SLC22A23: variants seen among roughly 807,000 people sequenced by gnomAD.
The protein encoded by SLC22A23 is ion transporter protein.
Under a neutral mutation model 61.0 loss-of-function variants are expected in SLC22A23, and 26 were observed. That is an observed-to-expected ratio of 0.43 (90% confidence interval 0.31 to 0.59). The LOEUF (loss-of-function observed/expected upper bound fraction) is 0.59. Among genes scored for constraint, SLC22A23 ranks in the 20% least tolerant of loss-of-function variants. The probability of loss-of-function intolerance (pLI) is 0.11; values close to 1 mark genes in which losing one functional copy is unlikely to be tolerated. For missense variants in SLC22A23, 796 were observed against 934.7 expected (o/e 0.85, Z 1.94); for synonymous variants, 430 against 413.9 (o/e 1.04, Z -0.47).
At chr6:3,416,026 T>C (rs1449565321) in intron 1 of SLC22A23, among the ~76,000 whole-genome samples, 171 bp from the exon 2 acceptor site, 2 of 152,248 alleles carry the variant, frequency 1.3e-5, no homozygotes, top group Admixed American at 6.5e-5. Context: ...CAATGAGACA[T>C]ATAATTTGCC....
intron 6 of SLC22A23, 62 bp from the exon 7 acceptor site, chr6:3,287,153 C>G (rs1760093789): frequency 9.3e-6 from 14 of 1,508,174 alleles, no homozygotes; most frequent in Admixed American, 1.8e-5. Context: ...TGCGCTGCCT[C>G]CTGGGAGTTC....
rs946768916 is a variant in SLC22A23, at chr6:3,297,725, G to C, written c.1210+366C>G. On this transcript the variant is annotated intron_variant, in intron 5 of 9. Transcript: ENST00000406686. This position sits in a 1 kb window ranked among gnomAD's most constrained non-coding sequence, Gnocchi z 4.3. ...TGAAGGTCATGCTCAGGAAAGCTGA[G>C]GTCACAGGGGCCATCTACACCCTGA... 6.6e-6 allele frequency among the ~76,000 whole-genome samples: 1 copy of C among 152,180 alleles called. No homozygotes were observed. The highest frequency in any genetic ancestry group is 1.5e-5 in the Non-Finnish European group (1 of 68,010).
At position 3,456,725 on chromosome 6, in the gene SLC22A23, A is replaced by C; in HGVS notation, c.-166T>G. ...GCTCCGGGTGCGTCAGGCCGCCCCC[A>C]TGTCACCCGCCGGACCCCGCGCCCC... On this transcript the variant is annotated 5_prime_UTR_variant, in exon 1 of 10. It removes an upstream start codon present in the reference 5' UTR. Transcript: ENST00000406686. This position sits in a 1 kb window ranked among gnomAD's most constrained non-coding sequence, Gnocchi z 7.1. 4 of 292,950 alleles carry C rather than the reference A, an allele frequency of 1.4e-5. No homozygotes were observed. The highest frequency in any genetic ancestry group is 2.0e-5 in the Non-Finnish European group (4 of 200,466). The allele number at this position is 292,950 out of a possible 1,614,324, so 18.1% of individuals were successfully genotyped here.
chr6:3,385,489 C>G (rs12214950), intron 3 of SLC22A23, among the ~76,000 whole-genome samples: 25,356 of 151,968 alleles, frequency 0.17, 2,403 homozygotes, highest in African/African-American at 0.25. Flanking sequence ...GCACTCTAGC[C>G]TGGGCGACAG....
In SLC22A23 at chr6:3,414,339, T is replaced by TA. The variant is rs947850589; in HGVS notation, c.758+1412dup. ...AACCTATGAACTCAAGTATTTGGTT[T>TA]AAAAAAATAAACCCTGTGTTGCCTC... is the stretch of plus-strand genomic sequence containing the variant. On this transcript the variant is annotated intron_variant, in intron 2 of 9. Transcript: ENST00000406686. The surrounding 1 kb of genome is among the most constrained non-coding windows in gnomAD (Gnocchi z 5.1). Among the ~76,000 whole-genome samples the TA allele has an allele frequency of 8.5e-5, 13 of 152,188 alleles. No homozygotes were observed. The highest frequency in any genetic ancestry group is 3.1e-4 in the African/African-American group (13 of 41,514).
At chr6:3,282,911 A>G (rs1289588042) in intron 9 of SLC22A23, among the ~76,000 whole-genome samples, 1 of 152,124 alleles carries the variant, frequency 6.6e-6, no homozygotes, top group Non-Finnish European at 1.5e-5. Context: ...GGTCAGCCTC[A>G]CTTTCCGAAC....
chr6:3,294,659 A>C (rs1760916865), intron 5 of SLC22A23, among the ~76,000 whole-genome samples: 1 of 152,126 alleles, frequency 6.6e-6, no homozygotes, highest in Non-Finnish European at 1.5e-5. Flanking sequence ...TAAACGCTCA[A>C]AACCTCAGGA....
intron 3 of SLC22A23, among the ~76,000 whole-genome samples, chr6:3,402,489 T>C (rs199770101): frequency 2.0e-3 from 297 of 145,608 alleles, no homozygotes; most frequent in African/African-American, 7.0e-3. Context: ...CTACCCAGAG[T>C]GCACTAGGCC....
intron 3 of SLC22A23, among the ~76,000 whole-genome samples, chr6:3,383,473 T>C (rs1767082257): frequency 6.6e-6 from 1 of 152,228 alleles, no homozygotes; most frequent in Non-Finnish European, 1.5e-5. Context: ...TTTTTATATC[T>C]ACTCCGTGGT....
In SLC22A23 at chr6:3,452,592, C is replaced by T. The variant is rs192346057; in HGVS notation, c.654+3314G>A. Among the ~76,000 whole-genome samples the T allele has an allele frequency of 9.3e-5, 9 of 97,098 alleles. No individual in the cohort carries two copies. The East Asian group carries it at 1.3e-3, about 14-fold the overall frequency. 63.7% of individuals were successfully genotyped at this position (97,098 alleles called of 152,430 possible). A position where few individuals can be genotyped will look rare whatever the true frequency, so the allele number is the denominator to read the frequency against. On this transcript the variant is annotated intron_variant, in intron 1 of 9. Transcript: ENST00000406686. ...CTCCAGCCTGGGCAACAGAGCCAGA[C>T]GCTGTCTAAAAAAAAAAAAAAAAAA...
intron 8 of SLC22A23, among the ~76,000 whole-genome samples, chr6:3,284,702 G>A (rs1759806506): frequency 6.6e-6 from 1 of 152,224 alleles, no homozygotes; most frequent in Non-Finnish European, 1.5e-5. Context: ...GGGGACAGCG[G>A]CTTCCCCTGG....
rs1758493184 is a variant in SLC22A23, at chr6:3,271,789, A to C, written c.*1266T>G. ...TCCACTTTCTGGGGTGAAACGAGGA[A>C]CACGAAGAGACCCATGGAGGTCGAG... On this transcript the variant is annotated 3_prime_UTR_variant, in exon 10 of 10. Coordinates refer to ENST00000406686, the MANE Select transcript of SLC22A23 (RefSeq NM_015482.2). 1 of 152,354 alleles carries C rather than the reference A, an allele frequency of 6.6e-6. No homozygotes were observed. The highest frequency in any genetic ancestry group is 6.5e-5 in the Admixed American group (1 of 15,282). The allele number at this position is 152,354 out of a possible 1,614,324, so 9.4% of individuals were successfully genotyped here.
intron 3 of SLC22A23, among the ~76,000 whole-genome samples, chr6:3,336,420 T>C (rs775153966): frequency 6.6e-6 from 1 of 152,230 alleles, no homozygotes. Context: ...CCCAGCTCTG[T>C]TCTATTTCAA....
intron 1 of SLC22A23, among the ~76,000 whole-genome samples, chr6:3,444,028 T>C (rs1771753929): frequency 6.6e-6 from 1 of 152,234 alleles, no homozygotes; most frequent in African/African-American, 2.4e-5. Flanking sequence ...TTTGTTAATG[T>C]AATTTAAATT....
intron 4 of SLC22A23, 130 bp downstream of exon 4, chr6:3,323,704 A>T: frequency 1.8e-6 from 2 of 1,103,832 alleles, no homozygotes; most frequent in Non-Finnish European, 2.5e-6. Context: ...AAGAGAGGAA[A>T]ACCTTCTCAG....
At position 3,414,883 on chromosome 6, in the gene SLC22A23, GACC is replaced by G. The variant is rs1208621581; in HGVS notation, c.758+866_758+868del. Among the ~76,000 whole-genome samples, 6 of 152,138 alleles carry G rather than the reference GACC, an allele frequency of 3.9e-5. No individual in the cohort carries two copies. The highest frequency in any genetic ancestry group is 2.0e-4 in the Admixed American group (3 of 15,276). ...GACACCTCACCGCTGCTGCCCCTGT[GACC>G]ACAGAATGCCTTAAATAAAAGCGCT... On this transcript the variant is annotated intron_variant, in intron 2 of 9. Coordinates refer to ENST00000406686, the MANE Select transcript of SLC22A23 (RefSeq NM_015482.2). This position sits in a 1 kb window ranked among gnomAD's most constrained non-coding sequence, Gnocchi z 5.1.
intron 3 of SLC22A23, among the ~76,000 whole-genome samples, chr6:3,379,263 C>T (rs981211463): frequency 3.3e-5 from 5 of 152,196 alleles, no homozygotes; most frequent in African/African-American, 9.7e-5. Flanking sequence ...AATAAACATG[C>T]TCTTTCCTCT....
At chr6:3,380,325 G>A (rs28414822) in intron 3 of SLC22A23, among the ~76,000 whole-genome samples, 1 of 152,192 alleles carries the variant, frequency 6.6e-6, no homozygotes, top group African/African-American at 2.4e-5. Context: ...AAGTAAGATA[G>A]TAGTATAAGG....
chr6:3,374,158 C>T (rs1766407783), intron 3 of SLC22A23, among the ~76,000 whole-genome samples: 1 of 152,228 alleles, frequency 6.6e-6, no homozygotes, highest in Non-Finnish European at 1.5e-5. Context: ...ACTTTACCTA[C>T]ATCTTTTTCT....
Sources: allele counts gnomAD v4.1 joint callset (sites outside exome capture counted in the v4.1 genomes callset), GRCh38; gene constraint gnomAD v4.1.1; non-coding constraint Gnocchi (gnomAD v3.1); transcripts MANE v1.5; gene names NCBI Gene and HGNC (gene_info 2026-07-23, HGNC 2026-07-21).